The following RASGRF1 variants were observed in gnomAD, a reference collection of about 807,000 sequenced individuals.
RASGRF1 encodes ras-specific guanine nucleotide-releasing factor 1.
Under a neutral mutation model 138.7 loss-of-function variants are expected in RASGRF1, and 40 were observed. The observed-to-expected ratio is 0.29, with a 90% CI of 0.22 to 0.38. RASGRF1 has a LOEUF of 0.38. Ranked by LOEUF, RASGRF1 falls within the 10% of genes least tolerant of loss-of-function variation. The pLI is 1.00. For missense variants in RASGRF1, 1,108 were observed against 1,650.4 expected (o/e 0.67, Z 5.69); for synonymous variants, 614 against 663.2 (o/e 0.93, Z 1.14).
intron 1 of RASGRF1, among the ~76,000 whole-genome samples, chr15:79,083,983 T>A (rs76702602): frequency 1.6e-4 from 23 of 141,722 alleles, no homozygotes; most frequent in Non-Finnish European, 3.1e-4. Flanking sequence ...TAAATCTGCA[T>A]TCATAGCATG....
chr15:78,970,621 C>CAAAAAAA (rs55689628), intron 26 of RASGRF1, among the ~76,000 whole-genome samples: 50 of 57,772 alleles, frequency 8.7e-4, no homozygotes, highest in Non-Finnish European at 1.1e-3. Flanking sequence ...GACTCTGTCT[C>CAAAAAAA]AAAAAAAAAA....
intron 25 of RASGRF1, among the ~76,000 whole-genome samples, chr15:78,972,404 T>C (rs2055780611): frequency 2.0e-5 from 3 of 151,414 alleles, no homozygotes; most frequent in African/African-American, 7.3e-5. Context: ...CTCATGTTTT[T>C]TTTCTTTTTT....
intron 22 of RASGRF1, chr15:78,985,644 G>A (rs542338889): frequency 6.2e-5 from 10 of 160,620 alleles, no homozygotes; most frequent in Admixed American, 3.0e-4. Flanking sequence ...GGCCAGGCGC[G>A]GTGGCTCACA....
At chr15:79,012,367 TG>T in intron 13 of RASGRF1, 1 of 745,656 alleles carries the variant, frequency 1.3e-6, no homozygotes, top group Non-Finnish European at 2.3e-6. Flanking sequence ...ACTCATCTTC[TG>T]GACCTCGCCT....
chr15:78,994,282 G>A (rs893455783), intron 20 of RASGRF1, among the ~76,000 whole-genome samples: 4 of 152,242 alleles, frequency 2.6e-5, no homozygotes, highest in African/African-American at 9.7e-5. Context: ...GTTCCTGGGG[G>A]CCCAGCCCTG....
intron 8 of RASGRF1, among the ~76,000 whole-genome samples, chr15:79,029,110 T>A (rs2140995490): frequency 6.6e-6 from 1 of 152,388 alleles, no homozygotes; most frequent in Non-Finnish European, 1.5e-5. Context: ...CTTTCCTGGT[T>A]GAGGACATGC....
intron 1 of RASGRF1, among the ~76,000 whole-genome samples, chr15:79,082,469 G>A (rs887979419): frequency 6.6e-6 from 1 of 152,182 alleles, no homozygotes. Flanking sequence ...CAGCTGCATG[G>A]GACATAAAGC....
chr15:79,053,280 C>T (rs762954805), intron 3 of RASGRF1, among the ~76,000 whole-genome samples: 2 of 152,148 alleles, frequency 1.3e-5, no homozygotes, highest in African/African-American at 4.8e-5. Context: ...CAACCCAAAA[C>T]TGATTCCAAG....
chr15:79,067,376 G>A (rs2057694522), intron 1 of RASGRF1, among the ~76,000 whole-genome samples: 1 of 152,204 alleles, frequency 6.6e-6, no homozygotes, highest in Non-Finnish European at 1.5e-5. Flanking sequence ...CCTGACTAGA[G>A]ACACAACTGC....
chr15:79,009,914 G>A (rs895722304), intron 13 of RASGRF1, among the ~76,000 whole-genome samples: 1 of 151,618 alleles, frequency 6.6e-6, no homozygotes, highest in Non-Finnish European at 1.5e-5. Flanking sequence ...TAGTAGAGAC[G>A]GGGTTTCACT....
chr15:78,996,897 C>T (rs2056406270), intron 19 of RASGRF1, among the ~76,000 whole-genome samples: 1 of 152,220 alleles, frequency 6.6e-6, no homozygotes, highest in African/African-American at 2.4e-5. Context: ...ACTCTGGTCA[C>T]AGGCAGGACT....
intron 15 of RASGRF1, among the ~76,000 whole-genome samples, 196 bp from the exon 16 acceptor site, chr15:79,001,983 G>T (rs890004077): frequency 2.6e-5 from 4 of 152,142 alleles, no homozygotes; most frequent in Non-Finnish European, 5.9e-5. Flanking sequence ...GAGCACTGTC[G>T]ATCTCCAAGG....
At chr15:78,979,218 A>G (rs998016133) in intron 24 of RASGRF1, 1 of 1,240,304 alleles carries the variant, frequency 8.1e-7, no homozygotes, top group African/African-American at 1.5e-5. Flanking sequence ...TGAGGACACA[A>G]ACAAAGTGGA....
Position 79,032,036 on chromosome 15 carries a change from C to T in RASGRF1, c.1152+87G>A, listed in dbSNP as rs2057147060. 18 of 1,439,752 alleles carry T rather than the reference C, an allele frequency of 1.3e-5. No homozygotes were observed. Among genetic ancestry groups the T allele is most frequent in the Admixed American group, 8.6e-5 (4 of 46,684 alleles). 89.2% of individuals were successfully genotyped at this position (1,439,752 alleles called of 1,614,324 possible). A position where few individuals can be genotyped will look rare whatever the true frequency, so the allele number is the denominator to read the frequency against. On this transcript the variant is annotated intron_variant, in intron 7 of 26. Coordinates refer to ENST00000558480, the MANE Select transcript of RASGRF1 (RefSeq NM_001145648.3). The surrounding 1 kb of genome is among the most constrained non-coding windows in gnomAD (Gnocchi z 4.5). Reference sequence around the variant, plus strand: ...CCTTTGGCAGCCCAGAGCTGGGGTGCGTTAAGCACTGTGCCCCCACCGCCA... The same window carrying T: ...CCTTTGGCAGCCCAGAGCTGGGGTGTGTTAAGCACTGTGCCCCCACCGCCA...
rs756797550 is a variant in RASGRF1 at position 79,003,911 on chromosome 15, C to T, written c.2340G>A (p.Thr780=). The change falls in exon 15 of 27, where the codon ACG becomes ACA. Residue 780 remains threonine, a synonymous_variant. Transcript: ENST00000558480. ...ACACATAGAGCTTGCTGGTGTCCAG[C>T]GTGGCCTTGCTGAAGGGTGACATGG... ...YSAMSPFSKA[T]LDTSKLYVSS... 4.3e-6 allele frequency: 7 copies of T among 1,613,986 alleles called. No individual in the cohort carries two copies. Among genetic ancestry groups the T allele is most frequent in the African/African-American group, 2.7e-5 (2 of 74,902 alleles).
intron 19 of RASGRF1, among the ~76,000 whole-genome samples, chr15:78,997,080 C>T (rs1004161499): frequency 5.9e-5 from 9 of 152,330 alleles, no homozygotes; most frequent in African/African-American, 1.7e-4. Flanking sequence ...AGCCTTGAAG[C>T]GGGTATTGTT....
chr15:79,070,168 T>C (rs1247212396), intron 1 of RASGRF1, among the ~76,000 whole-genome samples: 1 of 152,182 alleles, frequency 6.6e-6, no homozygotes, highest in East Asian at 1.9e-4. Flanking sequence ...TGAGGTTGGG[T>C]CTGGGATATG....
Position 78,980,692 on chromosome 15 carries a change from G to A in RASGRF1, c.3422C>T (p.Ala1141Val), listed in dbSNP as rs745512302. ...TWLKVSKQTK[A>V]LIDKLQKLVS... ...AAGCTTTTGGAGCTTATCAATCAAA[G>A]CTTTAGTCTAGAAGGAAGCAGAAGC... Residue 1141 changes from alanine to valine, a missense_variant, in exon 24 of 27, where the codon GCT (alanine) becomes GTT (valine). Physicochemically the swap from Ala to Val is moderately conservative, Grantham distance 64. This residue lies in a region of RASGRF1 where 686 missense variants were observed against 976.7 expected (regional missense o/e 0.70). Transcript: ENST00000558480. 1.2e-6 allele frequency: 2 copies of A among 1,601,922 alleles called. No homozygotes were observed. The highest frequency in any genetic ancestry group is 3.3e-5 in the Admixed American group (2 of 59,862).
chr15:78,977,908 C>T (rs1016226919), intron 24 of RASGRF1, among the ~76,000 whole-genome samples: 3 of 152,210 alleles, frequency 2.0e-5, no homozygotes, highest in African/African-American at 7.2e-5. Context: ...CAACCAAATT[C>T]TTGTTGCCTG....
Sources: allele counts gnomAD v4.1 joint callset (sites outside exome capture counted in the v4.1 genomes callset), GRCh38; gene constraint gnomAD v4.1.1; regional missense constraint gnomAD v4.1.1; non-coding constraint Gnocchi (gnomAD v3.1); transcripts MANE v1.5; gene names NCBI Gene and HGNC (gene_info 2026-07-23, HGNC 2026-07-21).